RPS6KC1: variants seen among roughly 807,000 people sequenced by gnomAD.
The protein encoded by RPS6KC1 is ribosomal protein S6 kinase C1, also known as inactive ribosomal protein S6 kinase delta-1.
Under a neutral mutation model 103.8 loss-of-function variants are expected in RPS6KC1, and 54 were observed. The observed-to-expected ratio is 0.52, with a 90% CI of 0.42 to 0.65. The LOEUF (loss-of-function observed/expected upper bound fraction) is 0.65. Ranked by LOEUF, RPS6KC1 falls within the 30% of genes least tolerant of loss-of-function variation. The pLI is 0.00. For synonymous variants in RPS6KC1, 439 were observed against 438.7 expected (o/e 1.00, Z -0.01); for missense variants, 1,151 against 1,253.8 (o/e 0.92, Z 1.24).
chr1:213,608,200 T>C, the RPS6KC1 span, among the ~76,000 whole-genome samples: 2 of 152,136 alleles, frequency 1.3e-5, no homozygotes, highest in East Asian at 1.9e-4. Flanking sequence ...TGGTGGAGCC[T>C]GGGAAGGGAG....
the RPS6KC1 span, among the ~76,000 whole-genome samples, chr1:213,575,077 C>G: frequency 6.6e-6 from 1 of 152,076 alleles, no homozygotes; most frequent in Non-Finnish European, 1.5e-5. Context: ...GCTCTGCCAT[C>G]CTATAGCCAT....
chr1:213,664,957 C>T, the RPS6KC1 span, among the ~76,000 whole-genome samples: 550 of 152,220 alleles, frequency 3.6e-3, 2 homozygotes, highest in African/African-American at 0.013. Context: ...CTTTGGTAAA[C>T]ATTGTATTCA....
chr1:213,167,995 G>A, intron 7 of RPS6KC1, 22 bp downstream of exon 7: 1 of 1,514,262 alleles, frequency 6.6e-7, no homozygotes, highest in Non-Finnish European at 9.1e-7. Context: ...ATTTTGTTGT[G>A]TGTTTTCTTC....
At chr1:213,095,603 T>C (rs1010694911) in intron 3 of RPS6KC1, among the ~76,000 whole-genome samples, 2 of 152,174 alleles carry the variant, frequency 1.3e-5, no homozygotes, top group Non-Finnish European at 2.9e-5. Flanking sequence ...GTCTTATATA[T>C]ATTATACACA....
At chr1:213,438,383 A>T in the RPS6KC1 span, among the ~76,000 whole-genome samples, 2 of 152,134 alleles carry the variant, frequency 1.3e-5, no homozygotes, top group Non-Finnish European at 2.9e-5. Flanking sequence ...TGAGTTTCTG[A>T]TGATACTATT....
At chr1:213,149,269 T>C (rs2088306916) in intron 6 of RPS6KC1, among the ~76,000 whole-genome samples, 1 of 152,198 alleles carries the variant, frequency 6.6e-6, no homozygotes, top group Non-Finnish European at 1.5e-5. Flanking sequence ...TTTCCTCTTT[T>C]TTGATGTAGG....
At chr1:213,192,963 A>C (rs1385596632) in intron 8 of RPS6KC1, among the ~76,000 whole-genome samples, 1 of 152,082 alleles carries the variant, frequency 6.6e-6, no homozygotes, top group Non-Finnish European at 1.5e-5. Flanking sequence ...GCCATTCAGA[A>C]GCATATTTCT....
At chr1:213,153,309 G>GCACAGA (rs1480339388) in intron 6 of RPS6KC1, among the ~76,000 whole-genome samples, 1 of 149,836 alleles carries the variant, frequency 6.7e-6, no homozygotes, top group Admixed American at 6.7e-5. Context: ...ACAGAGGCAG[G>GCACAGA]GGCAGGGGCA....
At chr1:213,480,713 GA>G in the RPS6KC1 span, among the ~76,000 whole-genome samples, 6 of 151,950 alleles carry the variant, frequency 3.9e-5, no homozygotes, top group East Asian at 1.2e-3. Context: ...TTAAAGTCAG[GA>G]AAAAAAGTCT....
chr1:213,431,289 T>C, the RPS6KC1 span, among the ~76,000 whole-genome samples: 2,872 of 152,284 alleles, frequency 0.019, 88 homozygotes, highest in African/African-American at 0.065. Flanking sequence ...TAATGAGATT[T>C]TTTTAAAGTA....
At chr1:213,820,053 C>T in the RPS6KC1 span, 1 of 152,160 alleles carries the variant, frequency 6.6e-6, no homozygotes, top group Admixed American at 6.6e-5. Flanking sequence ...GCAGGGGGAG[C>T]TTCTTGAGAA....
chr1:213,230,974 A>AT (rs1329281388), intron 9 of RPS6KC1, among the ~76,000 whole-genome samples: 11 of 152,008 alleles, frequency 7.2e-5, no homozygotes, highest in Non-Finnish European at 1.6e-4. Context: ...TAGTTAATAT[A>AT]TCCCCCCCCT....
chr1:213,388,126 CCTGCTGCGACATTTGGCTACTTGAAT>C, the RPS6KC1 span, among the ~76,000 whole-genome samples: 1 of 152,240 alleles, frequency 6.6e-6, no homozygotes, highest in Non-Finnish European at 1.5e-5. Context: ...GAATTTCAAT[CCTGCTGCGACATTTGGCTACTTGAAT>C]TCACTGATCT....
At chr1:213,169,711 G>A (rs547469969) in intron 7 of RPS6KC1, among the ~76,000 whole-genome samples, 1 of 151,344 alleles carries the variant, frequency 6.6e-6, no homozygotes, top group East Asian at 1.9e-4. Flanking sequence ...AATTCCCTGT[G>A]AACTTGCTTT....
At chr1:213,388,481 T>C in the RPS6KC1 span, among the ~76,000 whole-genome samples, 2 of 152,234 alleles carry the variant, frequency 1.3e-5, no homozygotes, top group East Asian at 3.8e-4. Context: ...TCCCACATTC[T>C]TCATGCAATT....
chr1:213,603,265 T>C, the RPS6KC1 span, among the ~76,000 whole-genome samples: 2 of 152,220 alleles, frequency 1.3e-5, no homozygotes, highest in Non-Finnish European at 2.9e-5. Flanking sequence ...GTTCAGAGGT[T>C]GCTGTCCTGA....
At chr1:213,590,952 A>C in the RPS6KC1 span, among the ~76,000 whole-genome samples, 1 of 152,138 alleles carries the variant, frequency 6.6e-6, no homozygotes, top group Non-Finnish European at 1.5e-5. Context: ...TTAGTGGGAT[A>C]AACTGCAGCC....
the RPS6KC1 span, among the ~76,000 whole-genome samples, chr1:213,363,621 G>GCTTGCTTT: frequency 1.0e-4 from 9 of 86,004 alleles, no homozygotes; most frequent in East Asian, 2.7e-3. Flanking sequence ...TTGCTTGCTT[G>GCTTGCTTT]CTTGCTTTCT....
Position 213,272,788 on chromosome 1 carries a change from C to G in RPS6KC1, c.*154C>G. 1 of 580,544 alleles carries G rather than the reference C, an allele frequency of 1.7e-6. No homozygotes were observed. Among genetic ancestry groups the G allele is most frequent in the South Asian group, 2.0e-5 (1 of 49,840 alleles). The allele number at this position is 580,544 out of a possible 1,614,324, so 36.0% of individuals were successfully genotyped here. The stretch of plus-strand genomic sequence containing the variant: ...TGGGGGGGAAATGGCTAAAAGAGAA[C>G]AATTCGTTTACAATTACAAGATATT... On this transcript the variant is annotated 3_prime_UTR_variant, in exon 15 of 15. Transcript: ENST00000366960.
Sources: gnomAD v4.1 joint callset for allele counts (sites outside exome capture counted in the v4.1 genomes callset) on GRCh38, gnomAD v4.1.1 for gene constraint, MANE v1.5 for transcripts, NCBI Gene and HGNC (gene_info 2026-07-23, HGNC 2026-07-21) for gene names.